HS6ST3: variants seen among roughly 807,000 people sequenced by gnomAD.
HS6ST3 encodes heparan-sulfate 6-O-sulfotransferase 3.
HS6ST3 carries 12 observed loss-of-function variants against 36.7 expected under a neutral mutation model. The observed-to-expected ratio is 0.33, with a 90% CI of 0.21 to 0.53. The LOEUF (loss-of-function observed/expected upper bound fraction) is 0.53, where lower values mean the gene tolerates loss of function less well. HS6ST3 is among the 20% of genes least tolerant of loss of function. The probability of loss-of-function intolerance (pLI) is 0.95; values close to 1 mark genes in which losing one functional copy is unlikely to be tolerated. For synonymous variants in HS6ST3, 240 were observed against 257.5 expected, an observed-to-expected ratio of 0.93 and a Z score of 0.65; for missense variants, 584 against 640.9, an observed-to-expected ratio of 0.91 and a Z score of 0.96.
chr13:96,389,455 G>C (rs984000376), intron 1 of HS6ST3, among the ~76,000 whole-genome samples: 33 of 151,932 alleles, frequency 2.2e-4, no homozygotes. Context: ...ATAAATTATT[G>C]CTAATGATTT....
intron 1 of HS6ST3, among the ~76,000 whole-genome samples, chr13:96,261,320 A>G (rs1021762488): frequency 6.7e-6 from 1 of 150,178 alleles, no homozygotes; most frequent in Non-Finnish European, 1.5e-5. Context: ...GATTTTATAT[A>G]TATATGTATA....
chr13:96,735,028 G>A (rs931549532), intron 1 of HS6ST3, among the ~76,000 whole-genome samples: 1 of 152,262 alleles, frequency 6.6e-6, no homozygotes, highest in Non-Finnish European at 1.5e-5. Context: ...TTGGATGCTG[G>A]ATTTTGACAT....
chr13:96,450,583 T>C (rs417259), intron 1 of HS6ST3, among the ~76,000 whole-genome samples: 98,634 of 152,020 alleles, frequency 0.65, 32,833 homozygotes, highest in African/African-American at 0.79. Flanking sequence ...TTTCATTCTT[T>C]AGTACAAATA....
intron 1 of HS6ST3, among the ~76,000 whole-genome samples, chr13:96,174,460 C>G (rs1433263420): frequency 6.6e-6 from 1 of 151,994 alleles, no homozygotes; most frequent in Non-Finnish European, 1.5e-5. Context: ...CTTTAAACTC[C>G]TGGGCCCAAG....
At chr13:96,455,976 A>G (rs564652370) in intron 1 of HS6ST3, among the ~76,000 whole-genome samples, 1 of 152,294 alleles carries the variant, frequency 6.6e-6, no homozygotes, top group Admixed American at 6.5e-5. Flanking sequence ...AGTATTCACA[A>G]TTTCTTAAGT....
chr13:96,204,491 G>A (rs2054359741), intron 1 of HS6ST3, among the ~76,000 whole-genome samples: 3 of 151,952 alleles, frequency 2.0e-5, no homozygotes, highest in Admixed American at 2.0e-4. Flanking sequence ...TCAGGTCTGG[G>A]TCAAGTGGAT....
intron 1 of HS6ST3, among the ~76,000 whole-genome samples, chr13:96,444,639 A>T (rs1020083929): frequency 6.6e-6 from 1 of 152,250 alleles, no homozygotes; most frequent in Non-Finnish European, 1.5e-5. Flanking sequence ...TGGATTCAAT[A>T]TGATACAAAA....
chr13:96,345,597 G>A (rs2055150284), intron 1 of HS6ST3, among the ~76,000 whole-genome samples: 1 of 152,246 alleles, frequency 6.6e-6, no homozygotes, highest in African/African-American at 2.4e-5. Context: ...CACATTGTTT[G>A]TGGGTATCCT....
Position 96,096,112 on chromosome 13 carries a change from ATGAGAATTAAT to A in HS6ST3, c.707+4547_707+4557del, listed in dbSNP as rs1349941331. ...TTGCAGCATCTGGAAACCATGTCATATGAGAATTAATTGAAAGAATGTGTAATATTTAATAT... is the reference window on the plus strand; with the variant it reads ...TTGCAGCATCTGGAAACCATGTCATATGAAAGAATGTGTAATATTTAATAT... On this transcript the variant is annotated intron_variant, in intron 1 of 1. Coordinates refer to ENST00000376705, the MANE Select transcript of HS6ST3 (RefSeq NM_153456.4). Among the ~76,000 whole-genome samples the A allele has an allele frequency of 5.3e-5, 8 of 152,242 alleles. No homozygotes were observed. The East Asian group carries it at 1.5e-3, about 29-fold the overall frequency.
chr13:96,226,802 A>C (rs2054483099), intron 1 of HS6ST3, among the ~76,000 whole-genome samples: 1 of 152,234 alleles, frequency 6.6e-6, no homozygotes, highest in Non-Finnish European at 1.5e-5. Context: ...TGGTAAAGTG[A>C]AATATTAAAC....
At chr13:96,684,508 C>T (rs1015876182) in intron 1 of HS6ST3, among the ~76,000 whole-genome samples, 5 of 151,998 alleles carry the variant, frequency 3.3e-5, no homozygotes, top group African/African-American at 1.2e-4. Flanking sequence ...CTCCGAAACT[C>T]AAGCCTAAGA....
chr13:96,646,230 C>A (rs965174929), intron 1 of HS6ST3, among the ~76,000 whole-genome samples: 1 of 151,938 alleles, frequency 6.6e-6, no homozygotes, highest in Non-Finnish European at 1.5e-5. Context: ...TGGAATTTGC[C>A]CTTTCTTTTT....
intron 1 of HS6ST3, among the ~76,000 whole-genome samples, chr13:96,783,782 C>T (rs933282094): frequency 2.0e-5 from 3 of 151,852 alleles, no homozygotes; most frequent in East Asian, 1.9e-4. Flanking sequence ...CAACAGAGCC[C>T]GGAAGTGATG....
intron 1 of HS6ST3, among the ~76,000 whole-genome samples, chr13:96,404,851 A>C (rs944524664): frequency 1.3e-5 from 2 of 152,198 alleles, no homozygotes; most frequent in African/African-American, 4.8e-5. Flanking sequence ...TAACTCCCAC[A>C]ATAGCCACAT....
At chr13:96,321,522 C>T (rs1029156581) in intron 1 of HS6ST3, among the ~76,000 whole-genome samples, 1 of 152,066 alleles carries the variant, frequency 6.6e-6, no homozygotes, top group Admixed American at 6.6e-5. Context: ...TCCTAGATTC[C>T]CAACTTATTT....
intron 1 of HS6ST3, among the ~76,000 whole-genome samples, chr13:96,640,274 A>G (rs912877854): frequency 6.6e-6 from 1 of 151,744 alleles, no homozygotes; most frequent in African/African-American, 2.4e-5. Context: ...TTGGTGTGAG[A>G]TAGTATCTTC....
intron 1 of HS6ST3, among the ~76,000 whole-genome samples, chr13:96,759,621 G>T (rs1356026073): frequency 1.3e-5 from 2 of 151,708 alleles, no homozygotes; most frequent in Non-Finnish European, 2.9e-5. Flanking sequence ...TACATATGTT[G>T]TTAACCACAA....
At chr13:96,198,347 G>A (rs7322776) in intron 1 of HS6ST3, among the ~76,000 whole-genome samples, 76,014 of 152,008 alleles carry the variant, frequency 0.5, 19,161 homozygotes, top group Admixed American at 0.59. Flanking sequence ...CCTGATCTTC[G>A]GGATTAACAA....
intron 1 of HS6ST3, among the ~76,000 whole-genome samples, chr13:96,405,743 C>T (rs1760794061): frequency 6.6e-6 from 1 of 152,150 alleles, no homozygotes; most frequent in Admixed American, 6.6e-5. Context: ...GTGCAAAAGG[C>T]CTGCCAGTGC....
Sources: gnomAD v4.1 joint callset for allele counts (sites outside exome capture counted in the v4.1 genomes callset) on GRCh38, gnomAD v4.1.1 for gene constraint, MANE v1.5 for transcripts, NCBI Gene and HGNC (gene_info 2026-07-23, HGNC 2026-07-21) for gene names.